The following SCN7A variants were observed in gnomAD, a reference collection of about 807,000 sequenced individuals.
SCN7A encodes the protein sodium channel protein type 7 subunit alpha.
In SCN7A, 138 loss-of-function variants were observed where a neutral mutation model predicts 155.2. The ratio of observed to expected loss-of-function variants is 0.89; its 90% CI spans 0.77 to 1.02. The LOEUF (loss-of-function observed/expected upper bound fraction) is 1.02. Ranked by LOEUF, SCN7A falls within the 50% of genes least tolerant of loss-of-function variation. SCN7A has a pLI of 0.00. For missense variants in SCN7A, 2,058 were observed against 1,986.6 expected, an observed-to-expected ratio of 1.04 and a Z score of -0.68; for synonymous variants, 693 against 649.0, an observed-to-expected ratio of 1.07 and a Z score of -1.03.
At chr2:166,452,809 C>T (rs981514319) in intron 11 of SCN7A, among the ~76,000 whole-genome samples, 38 of 152,126 alleles carry the variant, frequency 2.5e-4, no homozygotes, top group Middle Eastern at 3.2e-3. Context: ...AGATCAATCT[C>T]TGCAGCTGGA....
chr2:166,473,996 A>T, intron 4 of SCN7A, 108 bp from the exon 5 acceptor site: 1 of 578,724 alleles, frequency 1.7e-6, no homozygotes, highest in Non-Finnish European at 2.9e-6. Flanking sequence ...TTGAACAACA[A>T]TGGGCATTAA....
In SCN7A at chr2:166,457,069, T is replaced by G; in HGVS notation, c.1091A>C (p.Tyr364Ser). The G allele has an allele frequency of 6.2e-7, 1 of 1,601,068 alleles. No homozygotes were observed. The highest frequency in any genetic ancestry group is 8.5e-7 in the Non-Finnish European group (1 of 1,173,014). The change falls in exon 11 of 26, where the codon TAT becomes TCT. Residue 364 changes from tyrosine (Y) to serine (S), a missense_variant. Transcript: ENST00000643258. ...TATCATGTAGACCTTCCCAGAAGCA[T>G]AAAGTATCTAAGGAAAGGTAGAAAG... ...YPEVLYHQIL[Y>S]ASGKVYMIFF...
At chr2:166,490,715 C>G (rs910511345) in intron 1 of SCN7A, among the ~76,000 whole-genome samples, 10 of 152,094 alleles carry the variant, frequency 6.6e-5, no homozygotes, top group Non-Finnish European at 1.3e-4. Context: ...TTACTGAAAC[C>G]CTGGAGGCTT....
chr2:166,457,113 T>C, intron 10 of SCN7A, 37 bp from the exon 11 acceptor site: 1 of 1,414,276 alleles, frequency 7.1e-7, no homozygotes, highest in Non-Finnish European at 9.7e-7. Context: ...AAGAGTAAAA[T>C]GTTATTTATC....
intron 16 of SCN7A, among the ~76,000 whole-genome samples, 159 bp downstream of exon 16, chr2:166,432,159 A>T (rs1701744827): frequency 6.6e-6 from 1 of 152,092 alleles, no homozygotes; most frequent in Admixed American, 6.6e-5. Context: ...AAGTAATTTG[A>T]TCAAAAGCAT....
intron 11 of SCN7A, among the ~76,000 whole-genome samples, chr2:166,451,187 C>T (rs888579318): frequency 2.6e-5 from 4 of 152,076 alleles, no homozygotes; most frequent in Admixed American, 2.0e-4. Flanking sequence ...ATAATATTGT[C>T]GTTGATAAAG....
intron 15 of SCN7A, among the ~76,000 whole-genome samples, chr2:166,439,125 GTGT>G (rs528178723): frequency 5.5e-4 from 82 of 147,764 alleles, no homozygotes; most frequent in East Asian, 4.5e-3. Context: ...GTGAATGTGT[GTGT>G]TGTTGTTGCT....
At chr2:166,413,996 T>TATATATATATATATATATATATATATAC (rs1701263106) in intron 21 of SCN7A, among the ~76,000 whole-genome samples, 1 of 100,466 alleles carries the variant, frequency 1.0e-5, no homozygotes, top group Non-Finnish European at 1.9e-5. Flanking sequence ...TATATATATA[T>TATATATATATATATATATATATATATAC]ATATATAAAT....
intron 21 of SCN7A, among the ~76,000 whole-genome samples, chr2:166,413,522 C>T (rs1487892027): frequency 2.0e-5 from 3 of 152,038 alleles, no homozygotes; most frequent in East Asian, 3.9e-4. Context: ...CCTCAAAATG[C>T]TAAAGAGATA....
rs1318138596 is a variant in SCN7A at position 166,406,182 on chromosome 2, A to G, written c.4447T>C (p.Ser1483Pro). 3 of 1,612,790 alleles carry G rather than the reference A, an allele frequency of 1.9e-6. No homozygotes were observed. Among genetic ancestry groups the G allele is most frequent in the East Asian group, 2.2e-5 (1 of 44,816 alleles). ...TACATATTTACAATGATCAGCCATGATATGAGGATATAACTGACAAAATAA... is the reference window on the plus strand; with the variant it reads ...TACATATTTACAATGATCAGCCATGGTATGAGGATATAACTGACAAAATAA... ...IFYFVSYILISWLIIVNMYIV... is the reference protein window; with the variant it reads ...IFYFVSYILIPWLIIVNMYIV... Residue 1483 changes from serine to proline, a missense_variant, in exon 26 of 26, where the codon TCA (serine) becomes CCA (proline). Transcript: ENST00000643258.
At chr2:166,473,277 G>T (rs1702699663) in intron 5 of SCN7A, among the ~76,000 whole-genome samples, 1 of 151,556 alleles carries the variant, frequency 6.6e-6, no homozygotes, top group African/African-American at 2.4e-5. Context: ...TATCAAATTT[G>T]CTCCCTATAG....
chr2:166,465,617 A>G (rs1178371979), intron 8 of SCN7A, 86 bp from the exon 9 acceptor site: 3 of 1,231,254 alleles, frequency 2.4e-6, no homozygotes, highest in Admixed American at 2.1e-5. Context: ...TGCAGAAGCT[A>G]AAATACCTTT....
At chr2:166,424,517 A>C (rs1265500874) in intron 18 of SCN7A, among the ~76,000 whole-genome samples, 1 of 152,120 alleles carries the variant, frequency 6.6e-6, no homozygotes, top group Non-Finnish European at 1.5e-5. Context: ...AAGATTTAAC[A>C]TGTAAATTCT....
chr2:166,417,006 A>G, intron 20 of SCN7A, 21 bp from the exon 21 acceptor site: 1 of 1,522,854 alleles, frequency 6.6e-7, no homozygotes, highest in Non-Finnish European at 8.8e-7. Flanking sequence ...TAAAAAATGT[A>G]AACTTTAGAT....
intron 1 of SCN7A, among the ~76,000 whole-genome samples, chr2:166,488,652 T>G (rs1703106809): frequency 6.6e-6 from 1 of 151,976 alleles, no homozygotes; most frequent in African/African-American, 2.4e-5. Flanking sequence ...TTTTATTTTT[T>G]TTTGAGACGG....
intron 21 of SCN7A, 21 bp from the exon 22 acceptor site, chr2:166,413,142 T>C (rs778709532): frequency 1.4e-6 from 2 of 1,409,762 alleles, no homozygotes; most frequent in South Asian, 1.3e-5. Flanking sequence ...AAAATGCATT[T>C]AAAATTTATG....
chr2:166,447,845 T>G, intron 11 of SCN7A, 137 bp from the exon 12 acceptor site: 1 of 643,818 alleles, frequency 1.6e-6, no homozygotes, highest in Non-Finnish European at 2.7e-6. Flanking sequence ...TACATAATCA[T>G]TGTACATATT....
chr2:166,490,346 T>A (rs1309605712), intron 1 of SCN7A, among the ~76,000 whole-genome samples: 2 of 152,194 alleles, frequency 1.3e-5, no homozygotes, highest in Non-Finnish European at 2.9e-5. Flanking sequence ...TTCTATGAGA[T>A]CATGCAGTAT....
At chr2:166,436,491 C>T in intron 15 of SCN7A, 1 of 364,392 alleles carries the variant, frequency 2.7e-6, no homozygotes, top group South Asian at 2.1e-5. Context: ...ATTATCCAGC[C>T]TTGGTTACAC....
Sources: allele counts gnomAD v4.1 joint callset (sites outside exome capture counted in the v4.1 genomes callset), GRCh38; gene constraint gnomAD v4.1.1; transcripts MANE v1.5; gene names NCBI Gene and HGNC (gene_info 2026-07-23, HGNC 2026-07-21).